SRD5A2: variants seen among roughly 807,000 people sequenced by gnomAD.
The protein encoded by SRD5A2 is 3-oxo-5-alpha-steroid 4-dehydrogenase 2.
A neutral mutation model predicts 27.4 loss-of-function variants in SRD5A2; 30 were observed. That is an observed-to-expected ratio of 1.10 (90% CI 0.82 to 1.49). SRD5A2 has a LOEUF of 1.49. SRD5A2 is among the 40% of genes most tolerant of loss of function. The pLI, the probability that SRD5A2 is intolerant of heterozygous loss-of-function variation, is 0.00. For missense variants in SRD5A2, 348 were observed against 323.4 expected (o/e 1.08, Z -0.58); for synonymous variants, 141 against 133.6 (o/e 1.06, Z -0.38).
At chr2:31,533,137 T>C (rs1029727674) in intron 2 of SRD5A2, among the ~76,000 whole-genome samples, 6 of 152,122 alleles carry the variant, frequency 3.9e-5, no homozygotes, top group Non-Finnish European at 7.4e-5. Context: ...GCAATTCTTC[T>C]TTTTCCAATG....
upstream of SRD5A2, among the ~76,000 whole-genome samples, chr2:31,585,708 G>C (rs1055326736): frequency 6.6e-6 from 1 of 152,168 alleles, no homozygotes; most frequent in African/African-American, 2.4e-5. Flanking sequence ...GCTGGTTTCA[G>C]GTACTGGCTC....
At chr2:31,575,253 T>C (rs562795498) in intron 1 of SRD5A2, among the ~76,000 whole-genome samples, 3 of 152,216 alleles carry the variant, frequency 2.0e-5, no homozygotes, top group Non-Finnish European at 4.4e-5. Context: ...AGTTGAGACA[T>C]CTGCACCTCT....
In SRD5A2 at chr2:31,544,958, G is replaced by T. The variant is rs377105263; in HGVS notation, c.282-11192C>A. 9.2e-5 allele frequency among the ~76,000 whole-genome samples: 14 copies of T among 151,628 alleles called. No individual in the cohort carries two copies. The South Asian group carries it at 1.7e-3, about 18-fold the overall frequency. On this transcript the variant is annotated intron_variant, in intron 1 of 4. Transcript: ENST00000622030. ...AAAATTGGATAACCTACATGAAAAA[G>T]TTCAGATTCCTAGAAATACTAAACC... is the stretch of plus-strand genomic sequence containing the variant.
At chr2:31,612,586 C>A in the SRD5A2 span, among the ~76,000 whole-genome samples, 2 of 152,132 alleles carry the variant, frequency 1.3e-5, no homozygotes, top group East Asian at 1.9e-4. Context: ...AAAATGTCTA[C>A]ACTAACCAAA....
the SRD5A2 span, among the ~76,000 whole-genome samples, chr2:31,635,333 C>A: frequency 6.6e-6 from 1 of 152,046 alleles, no homozygotes; most frequent in Non-Finnish European, 1.5e-5. Context: ...ACCTGTTGGC[C>A]ATTTGTATAT....
chr2:31,626,182 G>T, the SRD5A2 span, among the ~76,000 whole-genome samples: 1 of 152,172 alleles, frequency 6.6e-6, no homozygotes. Flanking sequence ...GTATAAGAAT[G>T]CTTGTGATTT....
the SRD5A2 span, among the ~76,000 whole-genome samples, chr2:31,639,797 G>T: frequency 6.6e-6 from 1 of 151,958 alleles, no homozygotes. Flanking sequence ...TGACATTTGA[G>T]AATTTGATTC....
At chr2:31,611,008 T>C in the SRD5A2 span, among the ~76,000 whole-genome samples, 249 of 151,928 alleles carry the variant, frequency 1.6e-3, no homozygotes, top group Non-Finnish European at 3.0e-3. Flanking sequence ...ACTCAGGAGG[T>C]TGAGGCAGGA....
chr2:31,526,363 T>C, intron 4 of SRD5A2, 101 bp from the exon 5 acceptor site: 1 of 763,210 alleles, frequency 1.3e-6, no homozygotes, highest in Non-Finnish European at 2.3e-6. Flanking sequence ...CCTACAGTTA[T>C]TTTGGGCCTG....
chr2:31,525,985 C>T lies in SRD5A2; in HGVS notation c.*211G>A, dbSNP rs1665769223. On this transcript the variant is annotated 3_prime_UTR_variant, in exon 5 of 5. Coordinates refer to ENST00000622030, the MANE Select transcript of SRD5A2 (RefSeq NM_000348.4). Reference sequence around the variant, plus strand: ...CATTTGGAAAAGTGGCTTTTTGAAGCTTCAGTTGGGGATCAGGATAGGGGT... The same window carrying T: ...CATTTGGAAAAGTGGCTTTTTGAAGTTTCAGTTGGGGATCAGGATAGGGGT... 2 of 419,870 alleles carry T rather than the reference C, an allele frequency of 4.8e-6. No homozygotes were observed. The highest frequency in any genetic ancestry group is 3.8e-5 in the Admixed American group (1 of 26,454). 26.0% of individuals were successfully genotyped at this position (419,870 alleles called of 1,614,324 possible).
rs957527958 is a variant in SRD5A2 at position 31,523,622 on chromosome 2, C to T, written c.*2574G>A. On this transcript the variant is annotated 3_prime_UTR_variant, in exon 5 of 5. Transcript: ENST00000622030. ...ATTTTCTTCAAGGTTGGCAGGAAAA[C>T]GCCTCTTCCGTGAAAGCTTCAGCAA... is the stretch of plus-strand genomic sequence containing the variant. 4.6e-5 allele frequency: 10 copies of T among 219,620 alleles called. No individual in the cohort carries two copies. The highest frequency in any genetic ancestry group is 6.7e-5 in the African/African-American group (3 of 44,646). The allele number at this position is 219,620 out of a possible 1,614,324, so 13.6% of individuals were successfully genotyped here.
At chr2:31,569,677 C>CAAAAAAA (rs11421066) in intron 1 of SRD5A2, among the ~76,000 whole-genome samples, 3 of 138,558 alleles carry the variant, frequency 2.2e-5, no homozygotes, top group Admixed American at 7.2e-5. Flanking sequence ...AAACAAAAAA[C>CAAAAAAA]AAAAAAAAAA....
intron 1 of SRD5A2, among the ~76,000 whole-genome samples, chr2:31,535,552 G>C (rs1666008322): frequency 6.6e-6 from 1 of 152,164 alleles, no homozygotes; most frequent in Non-Finnish European, 1.5e-5. Context: ...TTAAAAAGCT[G>C]AAGGGGAAAG....
At chr2:31,606,905 T>C in the SRD5A2 span, among the ~76,000 whole-genome samples, 2 of 151,984 alleles carry the variant, frequency 1.3e-5, no homozygotes, top group East Asian at 1.9e-4. Flanking sequence ...TCAAAAGCAA[T>C]GGTTCCTCTG....
the SRD5A2 span, among the ~76,000 whole-genome samples, chr2:31,630,325 G>C: frequency 1.3e-5 from 2 of 152,060 alleles, no homozygotes; most frequent in Admixed American, 1.3e-4. Context: ...GAGAGAGAGA[G>C]AAAAGAGAGA....
At chr2:31,537,174 T>C (rs1249761869) in intron 1 of SRD5A2, among the ~76,000 whole-genome samples, 1 of 152,240 alleles carries the variant, frequency 6.6e-6, no homozygotes, top group Non-Finnish European at 1.5e-5. Context: ...TTTAGACTCA[T>C]TGTCAATCAA....
At chr2:31,559,900 A>C (rs1040679145) in intron 1 of SRD5A2, among the ~76,000 whole-genome samples, 25 of 150,688 alleles carry the variant, frequency 1.7e-4, no homozygotes, top group African/African-American at 6.1e-4. Context: ...AACACACCCC[A>C]ACCACCAAAG....
chr2:31,553,367 A>G (rs1666419599), intron 1 of SRD5A2, among the ~76,000 whole-genome samples: 1 of 152,194 alleles, frequency 6.6e-6, no homozygotes, highest in Non-Finnish European at 1.5e-5. Flanking sequence ...ATTTAAAGAA[A>G]CAATCACTGA....
At chr2:31,634,654 T>C in the SRD5A2 span, among the ~76,000 whole-genome samples, 1 of 152,100 alleles carries the variant, frequency 6.6e-6, no homozygotes, top group African/African-American at 2.4e-5. Context: ...ATAAATACAT[T>C]CATATTCTTT....
Sources: allele counts gnomAD v4.1 joint callset (sites outside exome capture counted in the v4.1 genomes callset), GRCh38; gene constraint gnomAD v4.1.1; transcripts MANE v1.5; gene names NCBI Gene and HGNC (gene_info 2026-07-23, HGNC 2026-07-21).